Variants in HUWE1 observed in about 807,000 individuals in gnomAD.
The protein encoded by HUWE1 is HECT, UBA and WWE domain containing E3 ubiquitin protein ligase 1.
In HUWE1, 18 loss-of-function variants were observed where a neutral mutation model predicts 299.4. The ratio of observed to expected loss-of-function variants is 0.06; its 90% confidence interval spans 0.04 to 0.09. The LOEUF (loss-of-function observed/expected upper bound fraction) is 0.09. Among genes scored for constraint, HUWE1 ranks in the 10% least tolerant of loss-of-function variants. The pLI is 1.00. For synonymous variants in HUWE1, 1,317 were observed against 1,286.1 expected (o/e 1.02, Z -0.51); for missense variants, 1,832 against 3,462.3 (o/e 0.53, Z 11.82).
intron 43 of HUWE1, 85 bp downstream of exon 43, chrX:53,580,746 G>GTTACA: frequency 1.0e-6 from 1 of 964,277 alleles, no homozygotes; most frequent in Non-Finnish European, 1.5e-6. Context: ...GGCTCTTCAA[G>GTTACA]TTACAGACCT....
chrX:53,601,352 T>G (rs1317656402), intron 28 of HUWE1, among the ~76,000 whole-genome samples: 2 of 109,549 alleles, frequency 1.8e-5, no homozygotes, highest in African/African-American at 6.7e-5. Context: ...CGGCTAATTT[T>G]TGTATTTTTT....
At chrX:53,608,996 A>C in intron 23 of HUWE1, 87 bp from the exon 24 acceptor site, 1 of 592,558 alleles carries the variant, frequency 1.7e-6, no homozygotes, top group Non-Finnish European at 3.0e-6. Flanking sequence ...ATAAAATTCT[A>C]GGCCTTTTTC....
intron 3 of HUWE1, among the ~76,000 whole-genome samples, chrX:53,671,380 T>C (rs2069520128): frequency 8.9e-6 from 1 of 112,331 alleles, no homozygotes; most frequent in African/African-American, 3.2e-5. Context: ...AATGCTGAAT[T>C]ACCTGTATGT....
chrX:53,606,654 A>C (rs1282045968), intron 25 of HUWE1, among the ~76,000 whole-genome samples: 2 of 112,062 alleles, frequency 1.8e-5, no homozygotes, highest in Non-Finnish European at 3.8e-5. Context: ...CTTACAAGGG[A>C]AGGAAATTAT....
chrX:53,560,893 G>A (rs191423942), intron 55 of HUWE1, among the ~76,000 whole-genome samples: 14 of 111,831 alleles, frequency 1.3e-4, no homozygotes, highest in African/African-American at 3.6e-4. Context: ...TATGAGGAAC[G>A]AGGACTGTTT....
chrX:53,654,652 G>T (rs782627194), intron 3 of HUWE1, among the ~76,000 whole-genome samples: 1 of 111,815 alleles, frequency 8.9e-6, no homozygotes, highest in Non-Finnish European at 1.9e-5. Context: ...TCCAAAATAC[G>T]ACTGGTTTAA....
chrX:53,669,520 T>A (rs1439601184), intron 3 of HUWE1, among the ~76,000 whole-genome samples: 2 of 112,272 alleles, frequency 1.8e-5, no homozygotes, highest in South Asian at 3.6e-4. Flanking sequence ...ATAACTAAGA[T>A]CCCTTAAAGC....
Position 53,547,731 on chromosome X carries a change from A to G in HUWE1, c.10578T>C (p.Ile3526=). The G allele has an allele frequency of 8.3e-7, 1 of 1,206,537 alleles. No individual in the cohort carries two copies. Among genetic ancestry groups the G allele is most frequent in the Non-Finnish European group, 1.1e-6 (1 of 892,278 alleles). The change falls in exon 68 of 84, where the codon ATT becomes ATC. Residue 3526 remains isoleucine (I), a synonymous_variant. Coordinates refer to ENST00000262854, the MANE Select transcript of HUWE1 (RefSeq NM_031407.7). ...TCACTGTGGTCGAAGCAGCTACGAC[A>G]ATGGTGGAAATAGCCGTGGCAGCAA... The part of the protein sequence containing the change: ...ALVAATAIST[I]VVAASTTVTT...
At position 53,627,633 on chromosome X, in the gene HUWE1, A is replaced by G. The variant is rs968905422; in HGVS notation, c.1383+106T>C. The G allele has an allele frequency of 7.8e-5, 68 of 868,889 alleles. No individual in the cohort carries two copies. The African/African-American group carries it at 1.2e-3, about 16-fold the overall frequency. The allele number at this position is 868,889 out of a possible 1,213,427, so 71.6% of individuals were successfully genotyped here. The stretch of plus-strand genomic sequence containing the variant: ...GCAAGCAGATACACAGTTGATTTCT[A>G]GAAACAGAAGAGACTGTAAGATCGC... On this transcript the variant is annotated intron_variant, in intron 16 of 83. Coordinates refer to ENST00000262854, the MANE Select transcript of HUWE1 (RefSeq NM_031407.7).
chrX:53,542,893 A>G (rs868974374), intron 73 of HUWE1: 39 of 131,657 alleles, frequency 3.0e-4, no homozygotes, highest in Non-Finnish European at 4.4e-4. Flanking sequence ...GTGTGTGTGT[A>G]TAAAAAATTC....
Position 53,624,629 on chromosome X carries a change from A to T in HUWE1, c.1638T>A (p.Asn546Lys). ...AGAGTGATGGGCCATAGTATTCTGC[A>T]TTGCTGATGATGTGTTTCAGGGAGG... Reference protein sequence around the residue: ...LPTSLKHIISNAEYYGPSLFL... With the variant: ...LPTSLKHIISKAEYYGPSLFL... Residue 546 changes from asparagine (N) to lysine (K), a missense_variant, in exon 19 of 84, where the codon AAT becomes AAA. Around this residue, in one of 15 missense-constraint regions of HUWE1, gnomAD observed 658 missense variants for 1,282.6 expected, o/e 0.51. Coordinates refer to ENST00000262854, the MANE Select transcript of HUWE1 (RefSeq NM_031407.7). 8.3e-7 allele frequency: 1 copy of T among 1,206,544 alleles called. No individual in the cohort carries two copies. The highest frequency in any genetic ancestry group is 1.1e-6 in the Non-Finnish European group (1 of 890,485).
intron 20 of HUWE1, 81 bp downstream of exon 20, chrX:53,617,259 A>G (rs974577165): frequency 3.1e-6 from 3 of 973,083 alleles, no homozygotes; most frequent in South Asian, 2.0e-5. Flanking sequence ...CCAGGTCCCA[A>G]TTAGATTCAA....
chrX:53,582,033 T>C (rs1344739879), intron 42 of HUWE1, among the ~76,000 whole-genome samples: 1 of 112,061 alleles, frequency 8.9e-6, no homozygotes, highest in Non-Finnish European at 1.9e-5. Flanking sequence ...GTTAAGAGTA[T>C]GCCTGGTTTT....
At chrX:53,653,631 G>A (rs2068604147) in intron 4 of HUWE1, among the ~76,000 whole-genome samples, 1 of 112,405 alleles carries the variant, frequency 8.9e-6, no homozygotes, top group Non-Finnish European at 1.9e-5. Flanking sequence ...CAGTAATAAA[G>A]ACAAGCTAAA....
chrX:53,561,724 G>A (rs782032704), intron 55 of HUWE1, 32 bp downstream of exon 55: 3 of 1,210,321 alleles, frequency 2.5e-6, no homozygotes, highest in Middle Eastern at 2.4e-4. Flanking sequence ...AGAATCAAGA[G>A]AGAAAAACCC....
At chrX:53,590,552 C>G in intron 34 of HUWE1, 53 bp from the exon 35 acceptor site, 1 of 889,626 alleles carries the variant, frequency 1.1e-6, no homozygotes, top group Middle Eastern at 2.9e-4. Context: ...ACAAAGAAAC[C>G]CAACAAGACC....
At chrX:53,534,761 C>G in intron 81 of HUWE1, 64 bp from the exon 82 acceptor site, 1 of 1,005,762 alleles carries the variant, frequency 9.9e-7, no homozygotes, top group Non-Finnish European at 1.4e-6. Flanking sequence ...GTCAGAGATC[C>G]CCCATCTGGC....
chrX:53,568,551 A>G (rs1218562939), intron 49 of HUWE1, 141 bp downstream of exon 49: 1 of 481,755 alleles, frequency 2.1e-6, no homozygotes, highest in Non-Finnish European at 3.5e-6. Context: ...TTTAAGAAAG[A>G]CAAGTGCTAA....
intron 3 of HUWE1, among the ~76,000 whole-genome samples, chrX:53,665,562 G>A (rs2069210497): frequency 8.9e-6 from 1 of 111,971 alleles, no homozygotes; most frequent in Non-Finnish European, 1.9e-5. Flanking sequence ...GTCTGGGGAA[G>A]CTGCAGATCT....
Sources: gnomAD v4.1 joint callset for allele counts (sites outside exome capture counted in the v4.1 genomes callset) on GRCh38, gnomAD v4.1.1 for gene constraint, gnomAD v4.1.1 regional missense constraint, MANE v1.5 for transcripts, NCBI Gene and HGNC (gene_info 2026-07-23, HGNC 2026-07-21) for gene names.